Variants in TAFA4 observed in about 807,000 individuals in gnomAD.
The protein encoded by TAFA4 is chemokine-like protein TAFA-4.
A neutral mutation model predicts 21.1 loss-of-function variants in TAFA4; 20 were observed. That is an observed-to-expected ratio of 0.95 (90% CI 0.67 to 1.38). The LOEUF (loss-of-function observed/expected upper bound fraction) is 1.38, where lower values mean the gene tolerates loss of function less well. Ranked by LOEUF, TAFA4 falls within the 40% of genes most tolerant of loss-of-function variation. The pLI is 0.00. For missense variants in TAFA4, 211 were observed against 180.9 expected (o/e 1.17, Z -0.95); for synonymous variants, 71 against 67.4 (o/e 1.05, Z -0.26).
chr3:68,892,442 A>AG (rs1439831946), intron 1 of TAFA4, among the ~76,000 whole-genome samples: 4 of 152,122 alleles, frequency 2.6e-5, no homozygotes, highest in Non-Finnish European at 1.5e-5. Context: ...AGAAGGTTTG[A>AG]GGGGGGTGGA....
At chr3:68,905,976 G>C (rs2089896952) in intron 1 of TAFA4, among the ~76,000 whole-genome samples, 1 of 152,218 alleles carries the variant, frequency 6.6e-6, no homozygotes, top group Non-Finnish European at 1.5e-5. Flanking sequence ...CTAAACCGAA[G>C]TGAAAATCCC....
At chr3:68,814,760 C>A (rs1012495769) in intron 3 of TAFA4, among the ~76,000 whole-genome samples, 5 of 152,176 alleles carry the variant, frequency 3.3e-5, no homozygotes, top group African/African-American at 1.2e-4. Context: ...ATAGATTCAA[C>A]GCCATACCCA....
intron 3 of TAFA4, among the ~76,000 whole-genome samples, chr3:68,795,731 T>C (rs1394961029): frequency 6.6e-6 from 1 of 152,186 alleles, no homozygotes; most frequent in Non-Finnish European, 1.5e-5. Context: ...GCCCATTTGG[T>C]GAGGCCATGT....
intron 3 of TAFA4, among the ~76,000 whole-genome samples, chr3:68,770,917 A>G (rs1394451328): frequency 2.0e-5 from 3 of 152,164 alleles, no homozygotes; most frequent in African/African-American, 7.2e-5. Context: ...CTGTTCCCGT[A>G]AAAGCCTGAG....
At chr3:68,885,980 A>G (rs1439767186) in intron 1 of TAFA4, among the ~76,000 whole-genome samples, 1 of 152,236 alleles carries the variant, frequency 6.6e-6, no homozygotes, top group African/African-American at 2.4e-5. Context: ...AACACATCTT[A>G]AGAAAAAAAC....
At chr3:68,927,808 G>A (rs1369288691) in intron 1 of TAFA4, among the ~76,000 whole-genome samples, 1 of 151,858 alleles carries the variant, frequency 6.6e-6, no homozygotes, top group Non-Finnish European at 1.5e-5. Context: ...TGAAGCAGAA[G>A]GATTGCTTTA....
At chr3:68,859,146 T>TTA (rs1185213460) in intron 3 of TAFA4, among the ~76,000 whole-genome samples, 2 of 152,112 alleles carry the variant, frequency 1.3e-5, no homozygotes, top group Non-Finnish European at 2.9e-5. Flanking sequence ...CAAAAAACAG[T>TTA]TATTAAACAT....
At chr3:68,876,122 G>C (rs1308967588) in intron 3 of TAFA4, among the ~76,000 whole-genome samples, 1 of 152,162 alleles carries the variant, frequency 6.6e-6, no homozygotes, top group African/African-American at 2.4e-5. Flanking sequence ...AACCACATGT[G>C]ACTATTGAGC....
At chr3:68,739,299 T>G in intron 4 of TAFA4, 100 bp from the exon 5 acceptor site, 1 of 1,381,048 alleles carries the variant, frequency 7.2e-7, no homozygotes, top group Non-Finnish European at 9.9e-7. Context: ...GTTCAAAGAT[T>G]GCTATTAAAT....
At chr3:68,735,046 G>A (rs995609981) in intron 5 of TAFA4, among the ~76,000 whole-genome samples, 6 of 152,046 alleles carry the variant, frequency 3.9e-5, no homozygotes, top group African/African-American at 1.4e-4. Flanking sequence ...CGGATACAAG[G>A]CTACTAAGAT....
At chr3:68,816,175 G>A (rs1283839152) in intron 3 of TAFA4, among the ~76,000 whole-genome samples, 2 of 152,094 alleles carry the variant, frequency 1.3e-5, no homozygotes, top group African/African-American at 2.4e-5. Context: ...TGGAGTGGGG[G>A]GAGGGAGGAG....
At chr3:68,850,635 A>C (rs905168031) in intron 3 of TAFA4, among the ~76,000 whole-genome samples, 2 of 152,140 alleles carry the variant, frequency 1.3e-5, no homozygotes, top group African/African-American at 4.8e-5. Context: ...GCACTTCTCT[A>C]ATGATCAGTG....
At chr3:68,809,874 A>T (rs558124495) in intron 3 of TAFA4, among the ~76,000 whole-genome samples, 1 of 152,280 alleles carries the variant, frequency 6.6e-6, no homozygotes, top group Admixed American at 6.5e-5. Context: ...ATTGGTCCGT[A>T]AATGTGTGGA....
intron 3 of TAFA4, among the ~76,000 whole-genome samples, chr3:68,790,132 A>G (rs1703334864): frequency 6.6e-6 from 1 of 152,228 alleles, no homozygotes; most frequent in South Asian, 2.1e-4. Flanking sequence ...TGTAATATAT[A>G]TAATTATCAT....
chr3:68,898,692 A>G (rs2089815872), intron 1 of TAFA4, among the ~76,000 whole-genome samples: 1 of 152,198 alleles, frequency 6.6e-6, no homozygotes, highest in Non-Finnish European at 1.5e-5. Context: ...TCTGGGTCAA[A>G]TATCGGACCA....
At position 68,892,376 on chromosome 3, in the gene TAFA4, T is replaced by C. The variant is rs533414781; in HGVS notation, c.-122-7066A>G. Reference sequence around the variant, plus strand: ...TTATAAATGGCATTTTAATTTCAAGTGTTACCAATACCATCTCATCTAAAT... The same window carrying C: ...TTATAAATGGCATTTTAATTTCAAGCGTTACCAATACCATCTCATCTAAAT... On this transcript the variant is annotated intron_variant, in intron 1 of 5. Transcript: ENST00000295569. 3.9e-5 allele frequency among the ~76,000 whole-genome samples: 6 copies of C among 152,304 alleles called. No homozygotes were observed. In the South Asian group the frequency reaches 6.2e-4, roughly 16 times the overall value.
chr3:68,773,812 A>G (rs1703001649), intron 3 of TAFA4, among the ~76,000 whole-genome samples: 2 of 152,214 alleles, frequency 1.3e-5, no homozygotes, highest in African/African-American at 4.8e-5. Context: ...TTAAGAGCAG[A>G]GGCACTTAAG....
chr3:68,895,278 G>A (rs970220715), intron 1 of TAFA4, among the ~76,000 whole-genome samples: 6 of 152,156 alleles, frequency 3.9e-5, no homozygotes, highest in Admixed American at 2.6e-4. Context: ...GATTACAGGC[G>A]TCAGCCACCG....
intron 3 of TAFA4, among the ~76,000 whole-genome samples, chr3:68,757,348 T>C (rs1490351710): frequency 2.6e-5 from 4 of 152,042 alleles, no homozygotes; most frequent in Admixed American, 2.6e-4. Context: ...CATTTACTCT[T>C]TATCACCACC....
Sources: gnomAD v4.1 joint callset for allele counts (sites outside exome capture counted in the v4.1 genomes callset) on GRCh38, gnomAD v4.1.1 for gene constraint, MANE v1.5 for transcripts, NCBI Gene and HGNC (gene_info 2026-07-23, HGNC 2026-07-21) for gene names.